The following CTNNA3 variants were observed in gnomAD, a reference collection of about 807,000 sequenced individuals.
CTNNA3 encodes the protein catenin alpha-3.
Under a neutral mutation model 95.7 loss-of-function variants are expected in CTNNA3, and 76 were observed. That is an observed-to-expected ratio of 0.79 (90% CI 0.66 to 0.96). CTNNA3 has a LOEUF of 0.96. CTNNA3 is among the 40% of genes least tolerant of loss of function. The pLI, the probability that CTNNA3 is intolerant of heterozygous loss-of-function variation, is 0.00. For synonymous variants in CTNNA3, 431 were observed against 374.4 expected, an observed-to-expected ratio of 1.15 and a Z score of -1.74; for missense variants, 1,191 against 1,089.8, an observed-to-expected ratio of 1.09 and a Z score of -1.31.
intron 7 of CTNNA3, among the ~76,000 whole-genome samples, chr10:66,995,251 C>A (rs774399374): frequency 6.6e-6 from 1 of 152,140 alleles, no homozygotes; most frequent in African/African-American, 2.4e-5. Flanking sequence ...TATGACAGAA[C>A]CTTGGGTGTC....
chr10:66,842,922 G>T (rs533990104), intron 7 of CTNNA3, among the ~76,000 whole-genome samples: 2 of 152,168 alleles, frequency 1.3e-5, no homozygotes, highest in Non-Finnish European at 2.9e-5. Flanking sequence ...GAAGCGCTTG[G>T]CTAAAATAAG....
At chr10:67,700,656 T>C (rs1379363246), upstream of CTNNA3, among the ~76,000 whole-genome samples, 1 of 151,804 alleles carries the variant, frequency 6.6e-6, no homozygotes, top group South Asian at 2.1e-4. Flanking sequence ...CAAAAGTAGA[T>C]AAAACCACAA....
chr10:66,282,276 T>C (rs2091506306), intron 12 of CTNNA3, among the ~76,000 whole-genome samples: 1 of 151,846 alleles, frequency 6.6e-6, no homozygotes, highest in South Asian at 2.1e-4. Flanking sequence ...TATATGGATG[T>C]GACTCTCAAA....
intron 1 of CTNNA3, among the ~76,000 whole-genome samples, chr10:67,669,591 AC>A (rs975224193): frequency 3.3e-5 from 5 of 152,322 alleles, no homozygotes; most frequent in African/African-American, 1.2e-4. Context: ...GTGAAATGAG[AC>A]CTATAAAACT....
At chr10:66,086,260 A>T (rs1193206872) in intron 14 of CTNNA3, among the ~76,000 whole-genome samples, 2 of 152,154 alleles carry the variant, frequency 1.3e-5, no homozygotes, top group Non-Finnish European at 2.9e-5. Flanking sequence ...AAATGAGCAC[A>T]AAAGGAAATT....
At chr10:67,319,281 T>C (rs935182935) in intron 5 of CTNNA3, among the ~76,000 whole-genome samples, 1 of 152,158 alleles carries the variant, frequency 6.6e-6, no homozygotes, top group African/African-American at 2.4e-5. Flanking sequence ...CTTTTCTCTT[T>C]GTGGATCTCG....
intron 13 of CTNNA3, among the ~76,000 whole-genome samples, chr10:66,156,537 C>T (rs2084516714): frequency 6.6e-6 from 1 of 151,616 alleles, no homozygotes; most frequent in Non-Finnish European, 1.5e-5. Flanking sequence ...TGAGCAATGC[C>T]AACACCATCT....
chr10:66,175,624 G>T (rs1013691149), intron 13 of CTNNA3, among the ~76,000 whole-genome samples: 7 of 152,092 alleles, frequency 4.6e-5, no homozygotes, highest in Admixed American at 3.3e-4. Context: ...TGAGAGGAGG[G>T]TATTGTCAAT....
intron 10 of CTNNA3, among the ~76,000 whole-genome samples, chr10:66,608,770 C>T (rs941248012): frequency 6.6e-6 from 1 of 152,046 alleles, no homozygotes; most frequent in African/African-American, 2.4e-5. Flanking sequence ...CTTCCTTACA[C>T]CATACACAAA....
intron 5 of CTNNA3, among the ~76,000 whole-genome samples, chr10:67,297,962 A>G (rs963425338): frequency 3.3e-5 from 5 of 152,346 alleles, no homozygotes; most frequent in African/African-American, 1.2e-4. Flanking sequence ...AATTCTGTCT[A>G]TCGCATACAT....
chr10:66,884,861 G>A (rs1844985368), intron 7 of CTNNA3, among the ~76,000 whole-genome samples: 2 of 152,122 alleles, frequency 1.3e-5, no homozygotes, highest in African/African-American at 4.8e-5. Context: ...GGATACCCGT[G>A]TGGTAGTAGG....
chr10:66,101,539 T>C (rs1486355638), intron 14 of CTNNA3, among the ~76,000 whole-genome samples: 1 of 152,196 alleles, frequency 6.6e-6, no homozygotes, highest in Non-Finnish European at 1.5e-5. Context: ...AATTTATCTT[T>C]TCCCATATTA....
At chr10:66,024,183 G>T (rs1247353443) in intron 15 of CTNNA3, among the ~76,000 whole-genome samples, 1 of 137,882 alleles carries the variant, frequency 7.3e-6, no homozygotes, top group Non-Finnish European at 1.5e-5. Flanking sequence ...TCCGCCTCCC[G>T]GGTTCATGCC....
chr10:66,475,610 A>G (rs924901267), intron 11 of CTNNA3, among the ~76,000 whole-genome samples: 2 of 152,132 alleles, frequency 1.3e-5, no homozygotes, highest in African/African-American at 4.8e-5. Flanking sequence ...ACATATGAAG[A>G]AAAGCTCAAT....
chr10:65,987,431 C>T (rs1218584086), intron 16 of CTNNA3, among the ~76,000 whole-genome samples: 1 of 151,872 alleles, frequency 6.6e-6, no homozygotes, highest in Non-Finnish European at 1.5e-5. Flanking sequence ...AAAAAATGTT[C>T]CACATCATTA....
chr10:66,950,801 A>G (rs1355482509), intron 7 of CTNNA3, among the ~76,000 whole-genome samples: 1 of 152,160 alleles, frequency 6.6e-6, no homozygotes, highest in Non-Finnish European at 1.5e-5. Flanking sequence ...TAAGGGCCAC[A>G]CTGTGTGAGG....
chr10:67,000,823 T>C (rs1564823024), intron 7 of CTNNA3, among the ~76,000 whole-genome samples: 1 of 152,146 alleles, frequency 6.6e-6, no homozygotes, highest in Non-Finnish European at 1.5e-5. Context: ...TGCAATTCTG[T>C]AAAAGCTAAG....
At chr10:66,992,587 A>C (rs1042721880) in intron 7 of CTNNA3, among the ~76,000 whole-genome samples, 4 of 151,948 alleles carry the variant, frequency 2.6e-5, no homozygotes, top group African/African-American at 9.7e-5. Flanking sequence ...TAAATGTATC[A>C]GTCTTTTCAT....
intron 13 of CTNNA3, among the ~76,000 whole-genome samples, chr10:66,191,301 G>A (rs2086654075): frequency 6.6e-6 from 1 of 151,994 alleles, no homozygotes; most frequent in Admixed American, 6.6e-5. Context: ...CAATCCTTCT[G>A]GATTTACAAC....
Sources: gnomAD v4.1 joint callset for allele counts (sites outside exome capture counted in the v4.1 genomes callset) on GRCh38, gnomAD v4.1.1 for gene constraint, MANE v1.5 for transcripts, NCBI Gene and HGNC (gene_info 2026-07-23, HGNC 2026-07-21) for gene names.